The following TSHZ2 variants were observed in gnomAD, a reference collection of about 807,000 sequenced individuals.
The protein encoded by TSHZ2 is teashirt zinc finger homeobox 2.
Under a neutral mutation model 74.4 loss-of-function variants are expected in TSHZ2, and 21 were observed. That is an observed-to-expected ratio of 0.28 (90% CI 0.20 to 0.41). The LOEUF (loss-of-function observed/expected upper bound fraction) is 0.41, where lower values mean the gene tolerates loss of function less well. Ranked by LOEUF, TSHZ2 falls within the 10% of genes least tolerant of loss-of-function variation. TSHZ2 has a pLI of 1.00. For missense variants in TSHZ2, 1,244 were observed against 1,293.5 expected (o/e 0.96, Z 0.59); for synonymous variants, 540 against 515.3 (o/e 1.05, Z -0.65).
chr20:53,195,592 T>C lies in TSHZ2; in HGVS notation c.41-57907T>C, dbSNP rs183373724. Among the ~76,000 whole-genome samples the C allele has an allele frequency of 2.2e-4, 33 of 152,318 alleles. No homozygotes were observed. In the East Asian group the frequency reaches 4.1e-3, roughly 19 times the overall value. ...ATTTTTCCAAAAATTAGCACTTATTTAGTCTTCAAGGATTAAGGCACCTCA... is the reference window on the plus strand; with the variant it reads ...ATTTTTCCAAAAATTAGCACTTATTCAGTCTTCAAGGATTAAGGCACCTCA... On this transcript the variant is annotated intron_variant, in intron 1 of 2. Coordinates refer to ENST00000371497, the MANE Select transcript of TSHZ2 (RefSeq NM_173485.6).
chr20:53,002,851 T>C (rs2122968017), intron 1 of TSHZ2, among the ~76,000 whole-genome samples: 1 of 152,248 alleles, frequency 6.6e-6, no homozygotes, highest in South Asian at 2.1e-4. Context: ...GTTATCTCAG[T>C]TTTTTAATTC....
intron 2 of TSHZ2, among the ~76,000 whole-genome samples, chr20:53,343,089 C>T (rs2145572575): frequency 6.6e-6 from 1 of 151,316 alleles, no homozygotes; most frequent in East Asian, 2.0e-4. Flanking sequence ...GCCTCAGCCT[C>T]CCAAGTAGCT....
At chr20:53,031,409 A>C (rs756394595) in intron 1 of TSHZ2, among the ~76,000 whole-genome samples, 1 of 152,206 alleles carries the variant, frequency 6.6e-6, no homozygotes, top group Non-Finnish European at 1.5e-5. Context: ...AATGGCATAA[A>C]AATTAGGAAC....
chr20:53,146,660 G>A (rs1490454204), intron 1 of TSHZ2, among the ~76,000 whole-genome samples: 2 of 152,152 alleles, frequency 1.3e-5, no homozygotes, highest in Non-Finnish European at 2.9e-5. Flanking sequence ...GCAAGACCAG[G>A]AGGTGAAGAT....
chr20:53,110,739 TAAA>T (rs996479432), intron 1 of TSHZ2, among the ~76,000 whole-genome samples: 1 of 96,926 alleles, frequency 1.0e-5, no homozygotes, highest in Non-Finnish European at 2.9e-5. Context: ...AACATTAAAA[TAAA>T]ATAAAATAAA....
intron 1 of TSHZ2, among the ~76,000 whole-genome samples, chr20:53,062,088 C>CA (rs1255824332): frequency 6.6e-6 from 1 of 152,072 alleles, no homozygotes; most frequent in African/African-American, 2.4e-5. Flanking sequence ...TATACCTTAC[C>CA]AGGAAGCAGC....
intron 2 of TSHZ2, among the ~76,000 whole-genome samples, chr20:53,306,145 G>A (rs1978534588): frequency 6.6e-6 from 1 of 152,070 alleles, no homozygotes; most frequent in Admixed American, 6.6e-5. Flanking sequence ...CCTTGTGCTT[G>A]CACCACGGTC....
At chr20:53,018,340 C>T (rs1293615598) in intron 1 of TSHZ2, among the ~76,000 whole-genome samples, 1 of 152,128 alleles carries the variant, frequency 6.6e-6, no homozygotes, top group East Asian at 1.9e-4. Flanking sequence ...ATACCAAGTT[C>T]CCAAACCATT....
At chr20:53,442,798 A>C (rs1984389330) in intron 2 of TSHZ2, among the ~76,000 whole-genome samples, 1 of 152,200 alleles carries the variant, frequency 6.6e-6, no homozygotes, top group Admixed American at 6.5e-5. Flanking sequence ...TCAAATATGT[A>C]TTCCCCCGTT....
At chr20:53,469,084 T>TATATATATATATATATAC (rs1351403317) in intron 2 of TSHZ2, among the ~76,000 whole-genome samples, 13 of 132,346 alleles carry the variant, frequency 9.8e-5, no homozygotes, top group African/African-American at 3.0e-4. Context: ...TATATATATA[T>TATATATATATATATATAC]GTACATATTC....
intron 1 of TSHZ2, among the ~76,000 whole-genome samples, chr20:53,233,030 C>G (rs894932870): frequency 6.6e-6 from 1 of 152,182 alleles, no homozygotes; most frequent in Admixed American, 6.5e-5. Flanking sequence ...TAATGTAACA[C>G]TCTTGTGTTT....
Position 53,453,481 on chromosome 20 carries a change from G to A in TSHZ2, c.*9-33663G>A, listed in dbSNP as rs192466779. ...GCTTGGGGTCCTTCAGACCAGCCAT[G>A]AATTTTTTTTTCCTGTGCTCTAATA... On this transcript the variant is annotated intron_variant, in intron 2 of 2. Transcript: ENST00000371497. Among the ~76,000 whole-genome samples, 3 of 152,248 alleles carry A rather than the reference G, an allele frequency of 2.0e-5. No individual in the cohort carries two copies. In the East Asian group the frequency reaches 5.8e-4, roughly 29 times the overall value.
chr20:53,014,014 G>T (rs943066094), intron 1 of TSHZ2, among the ~76,000 whole-genome samples: 2 of 152,186 alleles, frequency 1.3e-5, no homozygotes, highest in African/African-American at 4.8e-5. Context: ...CAGTGAGTGT[G>T]TATTAGTCAG....
intron 2 of TSHZ2, among the ~76,000 whole-genome samples, chr20:53,425,454 T>C (rs933374829): frequency 6.6e-6 from 1 of 152,160 alleles, no homozygotes; most frequent in Non-Finnish European, 1.5e-5. Context: ...AGCCCATCCT[T>C]CTCCAGTAAA....
chr20:52,995,186 C>G (rs577003773), intron 1 of TSHZ2, among the ~76,000 whole-genome samples: 4 of 152,214 alleles, frequency 2.6e-5, no homozygotes, highest in Admixed American at 6.5e-5. Flanking sequence ...AGCTTCACAG[C>G]TACAGATACA....
chr20:53,440,744 C>T (rs933962007), intron 2 of TSHZ2, among the ~76,000 whole-genome samples: 19 of 152,190 alleles, frequency 1.2e-4, no homozygotes, highest in Non-Finnish European at 4.4e-5. Context: ...TCAAATTATT[C>T]TCACTCCTTT....
At chr20:53,263,220 CAATG>C in intron 2 of TSHZ2, among the ~76,000 whole-genome samples, 1 of 152,302 alleles carries the variant, frequency 6.6e-6, no homozygotes, top group African/African-American at 2.4e-5. Context: ...AGCTTTTTCT[CAATG>C]AATTTTGGGC....
chr20:53,204,504 C>T (rs1989116426), intron 1 of TSHZ2, among the ~76,000 whole-genome samples: 1 of 151,576 alleles, frequency 6.6e-6, no homozygotes, highest in South Asian at 2.1e-4. Flanking sequence ...TCACTTATTT[C>T]TTTCTCATTC....
chr20:53,051,453 GCA>G (rs1343176322), intron 1 of TSHZ2, among the ~76,000 whole-genome samples: 1 of 102,992 alleles, frequency 9.7e-6, no homozygotes, highest in Non-Finnish European at 1.9e-5. Flanking sequence ...ACTCTGTGGC[GCA>G]CGCACACACA....
Sources: gnomAD v4.1 joint callset for allele counts (sites outside exome capture counted in the v4.1 genomes callset) on GRCh38, gnomAD v4.1.1 for gene constraint, MANE v1.5 for transcripts, NCBI Gene and HGNC (gene_info 2026-07-23, HGNC 2026-07-21) for gene names.